CABP1: variants seen among roughly 807,000 people sequenced by gnomAD.
CABP1 encodes the protein calcium binding protein 1.
Under a neutral mutation model 34.3 loss-of-function variants are expected in CABP1, and 17 were observed. The ratio of observed to expected loss-of-function variants is 0.50; its 90% CI spans 0.34 to 0.74. The LOEUF is 0.74. CABP1 is among the 30% of genes least tolerant of loss of function. CABP1 has a pLI of 0.01. For missense variants in CABP1, 373 were observed against 511.1 expected, an observed-to-expected ratio of 0.73 and a Z score of 2.61; for synonymous variants, 198 against 229.2, an observed-to-expected ratio of 0.86 and a Z score of 1.23.
Position 120,661,490 on chromosome 12 carries a change from A to G in CABP1, c.1087+272A>G. 5 of 409,494 alleles carry G rather than the reference A, an allele frequency of 1.2e-5. No homozygotes were observed. Among genetic ancestry groups the G allele is most frequent in the Non-Finnish European group, 2.2e-5 (5 of 225,130 alleles). 25.4% of individuals were successfully genotyped at this position (409,494 alleles called of 1,614,324 possible). A position where few individuals can be genotyped will look rare whatever the true frequency, so the allele number is the denominator to read the frequency against. ...CATCCATTCATCTACCTATCTATCC[A>G]TCTGTCCACCATCCATCCATCCATC... On this transcript the variant is annotated intron_variant, in intron 5 of 5. Transcript: ENST00000316803. The surrounding 1 kb of genome is among the most constrained non-coding windows in gnomAD (Gnocchi z 5.1).
intron 1 of CABP1, among the ~76,000 whole-genome samples, chr12:120,645,008 T>C (rs930002112): frequency 4.6e-5 from 7 of 152,218 alleles, no homozygotes; most frequent in African/African-American, 1.7e-4. Flanking sequence ...TTTCACCACG[T>C]TGGCCAGGCT....
At position 120,660,602 on chromosome 12, in the gene CABP1, C is replaced by T; in HGVS notation, c.830-129C>T. 1.3e-6 allele frequency: 1 copy of T among 755,806 alleles called. No individual in the cohort carries two copies. Among genetic ancestry groups the T allele is most frequent in the Non-Finnish European group, 2.3e-6 (1 of 430,766 alleles). The allele number at this position is 755,806 out of a possible 1,614,324, so 46.8% of individuals were successfully genotyped here. ...CACAGGAAGAACTGAACAGAGGGCT[C>T]TTGTTATTATTAAGTTTGTCTCTAT... On this transcript the variant is annotated intron_variant, in intron 3 of 5. Coordinates refer to ENST00000316803, the MANE Select transcript of CABP1 (RefSeq NM_001033677.2). The surrounding 1 kb of genome is among the most constrained non-coding windows in gnomAD (Gnocchi z 5.0).
At chr12:120,649,870 G>A (rs891853481) in intron 1 of CABP1, among the ~76,000 whole-genome samples, 1 of 152,172 alleles carries the variant, frequency 6.6e-6, no homozygotes, top group Non-Finnish European at 1.5e-5. Context: ...AGACCTCCCA[G>A]GCTCTCGACT....
chr12:120,665,137 A>G (rs184343271), intron 5 of CABP1, among the ~76,000 whole-genome samples: 68 of 152,014 alleles, frequency 4.5e-4, no homozygotes, highest in African/African-American at 1.6e-3. Flanking sequence ...ACTATTCTGT[A>G]TGAGGCCAGG....
At chr12:120,671,650 G>A (rs936647012), downstream of CABP1, among the ~76,000 whole-genome samples, 3 of 152,252 alleles carry the variant, frequency 2.0e-5, no homozygotes, top group African/African-American at 7.2e-5. Flanking sequence ...AAACGCTGGT[G>A]CTATGAAGGG....
At position 120,660,874 on chromosome 12, in the gene CABP1, T is replaced by C; in HGVS notation, c.939+34T>C. 1 of 1,512,860 alleles carries C rather than the reference T, an allele frequency of 6.6e-7. No homozygotes were observed. The highest frequency in any genetic ancestry group is 9.2e-7 in the Non-Finnish European group (1 of 1,087,764). 93.7% of individuals were successfully genotyped at this position (1,512,860 alleles called of 1,614,324 possible). ...CAGAGGCAGGCAGGCATGGGGCGGC[T>C]ATTGGAATCCTATCTGCAGTATAAA... On this transcript the variant is annotated intron_variant, in intron 4 of 5. Transcript: ENST00000316803. This position sits in a 1 kb window ranked among gnomAD's most constrained non-coding sequence, Gnocchi z 5.0.
At chr12:120,669,483 C>T (rs1231793310), downstream of CABP1, among the ~76,000 whole-genome samples, 1 of 152,204 alleles carries the variant, frequency 6.6e-6, no homozygotes, top group African/African-American at 2.4e-5. Flanking sequence ...AGGAACACCA[C>T]TCAGGATAGA....
chr12:120,679,792 A>G, the CABP1 span, among the ~76,000 whole-genome samples: 2 of 152,082 alleles, frequency 1.3e-5, no homozygotes, highest in Non-Finnish European at 2.9e-5. Flanking sequence ...GCGCCATTGC[A>G]CTCCAGCCTG....
At chr12:120,654,283 T>A (rs1382679343) in intron 1 of CABP1, among the ~76,000 whole-genome samples, 1 of 152,178 alleles carries the variant, frequency 6.6e-6, no homozygotes, top group Non-Finnish European at 1.5e-5. Context: ...ACCGGAATAC[T>A]GCACCACCCT....
downstream of CABP1, among the ~76,000 whole-genome samples, chr12:120,670,187 G>T (rs1421350315): frequency 2.0e-5 from 3 of 152,018 alleles, no homozygotes; most frequent in African/African-American, 7.2e-5. Flanking sequence ...GTAGAGACAG[G>T]GTCTCAATCT....
chr12:120,640,692 G>C lies in CABP1; in HGVS notation c.7G>C (p.Gly3Arg), dbSNP rs1294710872. Residue 3 changes from glycine (G) to arginine (R), a missense_variant, in exon 1 of 6, where the codon GGC becomes CGC. By Grantham distance (125) the Gly-to-Arg change is moderately radical. This residue lies in a region of CABP1 where 134 missense variants were observed against 145.4 expected (regional missense o/e 0.92). Coordinates refer to ENST00000316803, the MANE Select transcript of CABP1 (RefSeq NM_001033677.2). This position sits in a 1 kb window ranked among gnomAD's most constrained non-coding sequence, Gnocchi z 6.2. MG[G>R]GDGAAFKRPG... ...GTAGAGGCTGCGCTGTCACATGGGC[G>C]GCGGCGACGGGGCCGCATTTAAGCG... 5 of 1,186,216 alleles carry C rather than the reference G, an allele frequency of 4.2e-6. No individual in the cohort carries two copies. Among genetic ancestry groups the C allele is most frequent in the Non-Finnish European group, 5.2e-6 (5 of 958,382 alleles). 73.5% of individuals were successfully genotyped at this position (1,186,216 alleles called of 1,614,324 possible). A position where few individuals can be genotyped will look rare whatever the true frequency, so the allele number is the denominator to read the frequency against.
intron 1 of CABP1, chr12:120,656,405 A>G: frequency 1.3e-6 from 1 of 773,782 alleles, no homozygotes; most frequent in East Asian, 2.7e-5. Context: ...TTTTCCACTC[A>G]TGGCTACAAA....
intron 1 of CABP1, among the ~76,000 whole-genome samples, chr12:120,654,645 AAGGCAGAGTGCAGGCCG>A (rs1409853757): frequency 8.3e-3 from 6 of 722 alleles, no homozygotes; most frequent in African/African-American, 0.036. Flanking sequence ...CTCCAGGCCG[AAGGCAGAGTGCAGGCCG>A]AAGGCAGAGT....
At chr12:120,663,429 C>T (rs1027185836) in intron 5 of CABP1, among the ~76,000 whole-genome samples, 2 of 151,988 alleles carry the variant, frequency 1.3e-5, no homozygotes, top group African/African-American at 4.8e-5. Context: ...GGTGCACCAC[C>T]ATGCCTGGCT....
chr12:120,648,619 G>T (rs1879658717), intron 1 of CABP1, among the ~76,000 whole-genome samples: 1 of 152,094 alleles, frequency 6.6e-6, no homozygotes. Flanking sequence ...GGTGTCTCAT[G>T]TCTGTAATCC....
At chr12:120,647,471 C>T (rs1317010011) in intron 1 of CABP1, among the ~76,000 whole-genome samples, 1 of 150,996 alleles carries the variant, frequency 6.6e-6, no homozygotes, top group Non-Finnish European at 1.5e-5. Flanking sequence ...ATCCTCCTGC[C>T]TTGGCCTCCA....
chr12:120,655,832 T>A (rs953796630), intron 1 of CABP1: 16 of 169,362 alleles, frequency 9.4e-5, no homozygotes, highest in Non-Finnish European at 1.3e-4. Context: ...CGTGCGTGCG[T>A]GTGTGTGTGT....
chr12:120,666,473 CAAAAA>C (rs55848637), intron 5 of CABP1, among the ~76,000 whole-genome samples: 18 of 81,126 alleles, frequency 2.2e-4, no homozygotes, highest in South Asian at 8.1e-4. Context: ...GACTCCATCT[CAAAAA>C]AAAAAAAAAA....
downstream of CABP1, among the ~76,000 whole-genome samples, chr12:120,672,166 G>A (rs897212036): frequency 6.6e-6 from 1 of 152,126 alleles, no homozygotes; most frequent in African/African-American, 2.4e-5. Flanking sequence ...GATCAAATCT[G>A]AATCTGATCA....
Sources: allele counts gnomAD v4.1 joint callset (sites outside exome capture counted in the v4.1 genomes callset), GRCh38; gene constraint gnomAD v4.1.1; regional missense constraint gnomAD v4.1.1; non-coding constraint Gnocchi (gnomAD v3.1); transcripts MANE v1.5; gene names NCBI Gene and HGNC (gene_info 2026-07-23, HGNC 2026-07-21).